LRCH3: variants seen among roughly 807,000 people sequenced by gnomAD.
LRCH3 encodes the protein leucine rich repeats and calponin homology domain containing 3.
A neutral mutation model predicts 104.5 loss-of-function variants in LRCH3; 68 were observed. That is an observed-to-expected ratio of 0.65 (90% CI 0.54 to 0.80). The LOEUF (loss-of-function observed/expected upper bound fraction) is 0.80. LRCH3 is among the 30% of genes least tolerant of loss of function. The pLI is 0.00. For missense variants in LRCH3, 951 were observed against 953.9 expected (o/e 1.00, Z 0.04); for synonymous variants, 344 against 361.3 (o/e 0.95, Z 0.54).
intron 3 of LRCH3, among the ~76,000 whole-genome samples, chr3:197,819,041 G>A (rs549273608): frequency 5.3e-5 from 8 of 151,078 alleles, no homozygotes; most frequent in Admixed American, 5.3e-4. Context: ...CAGGAGAATC[G>A]CTTGAACCTG....
At chr3:197,857,735 C>T (rs541547278) in intron 14 of LRCH3, among the ~76,000 whole-genome samples, 1 of 152,350 alleles carries the variant, frequency 6.6e-6, no homozygotes, top group African/African-American at 2.4e-5. Flanking sequence ...GAAATCTAAA[C>T]CCCAGAAGTA....
Position 197,826,941 on chromosome 3 carries a change from T to C in LRCH3, c.704T>C (p.Val235Ala). The C allele has an allele frequency of 6.2e-7, 1 of 1,614,056 alleles. No homozygotes were observed. The highest frequency in any genetic ancestry group is 8.5e-7 in the Non-Finnish European group (1 of 1,180,004). The change falls in exon 5 of 21, where the codon GTT (valine) becomes GCT (alanine). Residue 235 changes from valine to alanine, a missense_variant. Transcript: ENST00000425562. ...TGCAATAAAATTACCACAATCCCTG[T>C]TTGTTATCGGAACCTCAGGCACCTA... ...FSCNKITTIP[V>A]CYRNLRHLQT... is the part of the protein sequence containing the mutation.
intron 9 of LRCH3, among the ~76,000 whole-genome samples, chr3:197,838,765 A>G (rs758869908): frequency 2.6e-5 from 4 of 152,238 alleles, no homozygotes; most frequent in Non-Finnish European, 5.9e-5. Context: ...TTCCTTTTAA[A>G]TACGGTATTT....
At chr3:197,839,195 T>C in intron 9 of LRCH3, 126 bp from the exon 10 acceptor site, 1 of 627,142 alleles carries the variant, frequency 1.6e-6, no homozygotes, top group South Asian at 2.2e-5. Flanking sequence ...AGTTTACATT[T>C]GAAGAGTCTA....
At chr3:197,863,600 A>G (rs997710088) in intron 15 of LRCH3, among the ~76,000 whole-genome samples, 3 of 152,192 alleles carry the variant, frequency 2.0e-5, no homozygotes, top group Non-Finnish European at 4.4e-5. Context: ...CCAAGTCTTC[A>G]GCAGCTTTAA....
intron 10 of LRCH3, among the ~76,000 whole-genome samples, chr3:197,841,578 T>C (rs1737803649): frequency 6.6e-6 from 1 of 152,128 alleles, no homozygotes; most frequent in Non-Finnish European, 1.5e-5. Flanking sequence ...TTCACTAGAG[T>C]AAGGCCAGGG....
chr3:197,857,133 T>C (rs73892127), intron 14 of LRCH3, among the ~76,000 whole-genome samples: 5,657 of 149,358 alleles, frequency 0.038, 390 homozygotes, highest in African/African-American at 0.13. Flanking sequence ...CAAGCTCCTG[T>C]TAACATCAGT....
At position 197,871,344 on chromosome 3, in the gene LRCH3, A is replaced by T. The variant is rs758681415; in HGVS notation, c.2012A>T (p.Lys671Ile). 4 of 1,613,714 alleles carry T rather than the reference A, an allele frequency of 2.5e-6. No homozygotes were observed. The Admixed American group carries it at 6.7e-5, about 27-fold the overall frequency. Residue 671 changes from lysine to isoleucine, a missense_variant, in exon 19 of 21, where the codon AAA becomes ATA. Transcript: ENST00000425562. ...QLRKHIEYRL[K>I]VSLPCDLGAA... ...TTTCAGCATATTGAGTACCGGTTGAAAGTGTCTCTACCTTGTGATCTCGGA... is the reference window on the plus strand; with the variant it reads ...TTTCAGCATATTGAGTACCGGTTGATAGTGTCTCTACCTTGTGATCTCGGA...
In LRCH3 at chr3:197,834,775, A is replaced by G. The variant is rs375671226; in HGVS notation, c.1103-899A>G. The stretch of plus-strand genomic sequence containing the variant: ...GTCTCTATTTCAATAATTATCATCA[A>G]TTGCTACATTCTTTAGTGAACTAGG... On this transcript the variant is annotated intron_variant, in intron 8 of 20. Coordinates refer to ENST00000425562, the MANE Select transcript of LRCH3 (RefSeq NM_001365715.1). Among the ~76,000 whole-genome samples, 38 of 152,322 alleles carry G rather than the reference A, an allele frequency of 2.5e-4. 2 individuals carry two copies. In the Middle Eastern group the frequency reaches 0.01, roughly 41 times the overall value.
intron 18 of LRCH3, among the ~76,000 whole-genome samples, 191 bp from the exon 19 acceptor site, chr3:197,871,134 A>G (rs1174333290): frequency 6.6e-6 from 1 of 152,122 alleles, no homozygotes; most frequent in South Asian, 2.1e-4. Flanking sequence ...ACTTTGTACC[A>G]CTATGCCCTG....
In LRCH3 at chr3:197,858,921, G is replaced by A; in HGVS notation, c.1716+16G>A. ...GCCTCTTAAGGTATCTCTTGTTATT[G>A]TAATTCACCAGGAAGTTTGGGGAGG... On this transcript the variant is annotated intron_variant, in intron 15 of 20. Transcript: ENST00000425562. 6.2e-7 allele frequency: 1 copy of A among 1,606,806 alleles called. No individual in the cohort carries two copies. The highest frequency in any genetic ancestry group is 8.5e-7 in the Non-Finnish European group (1 of 1,173,490).
chr3:197,807,217 C>CTTT, intron 1 of LRCH3, among the ~76,000 whole-genome samples: 1 of 146,274 alleles, frequency 6.8e-6, no homozygotes, highest in African/African-American at 2.5e-5. Context: ...CATAGAGTTG[C>CTTT]ATTTTTTTTT....
chr3:197,876,298 C>T (rs960776424), intron 20 of LRCH3: 1 of 152,218 alleles, frequency 6.6e-6, no homozygotes, highest in African/African-American at 2.4e-5. Context: ...AACTGAATTA[C>T]AGGCTTTATT....
Position 197,832,271 on chromosome 3 carries a change from C to T in LRCH3, c.1056C>T (p.Ser352=), listed in dbSNP as rs866300682. Residue 352 remains serine (S), a synonymous_variant, in exon 8 of 21, where the codon AGC becomes AGT. Transcript: ENST00000425562. ...ITKEQRLRRE[S]QYQENRGSLV... The stretch of plus-strand genomic sequence containing the variant: ...AAGAACAAAGACTACGAAGAGAAAG[C>T]CAGTACCAAGAGAACCGCGGCAGTT... 1 of 1,613,756 alleles carries T rather than the reference C, an allele frequency of 6.2e-7. No homozygotes were observed. The highest frequency in any genetic ancestry group is 2.2e-5 in the East Asian group (1 of 44,886).
At chr3:197,806,021 G>A (rs899584104) in intron 1 of LRCH3, among the ~76,000 whole-genome samples, 3 of 151,830 alleles carry the variant, frequency 2.0e-5, no homozygotes, top group Non-Finnish European at 4.4e-5. Flanking sequence ...CTGCCTCCCG[G>A]GTTCAAGTGA....
chr3:197,807,895 A>T (rs2109144570), intron 1 of LRCH3, among the ~76,000 whole-genome samples: 1 of 152,234 alleles, frequency 6.6e-6, no homozygotes, highest in Non-Finnish European at 1.5e-5. Flanking sequence ...TCCCTGTTAT[A>T]GTTGTCTTAA....
rs1714398344 is a variant in LRCH3, at chr3:197,888,358, G to A, written c.*4692G>A. ...GTATAAATATGTCAGTATCATGTAT[G>A]TTATTTTAAATTGCCTGTACGCCAC... On this transcript the variant is annotated 3_prime_UTR_variant, in exon 21 of 21. Coordinates refer to ENST00000425562, the MANE Select transcript of LRCH3 (RefSeq NM_001365715.1). The A allele has an allele frequency of 6.6e-6, 1 of 152,196 alleles. No homozygotes were observed. Among genetic ancestry groups the A allele is most frequent in the African/African-American group, 2.4e-5 (1 of 41,440 alleles). 9.4% of individuals were successfully genotyped at this position (152,196 alleles called of 1,614,324 possible).
chr3:197,877,557 C>G (rs1273855260), intron 20 of LRCH3, among the ~76,000 whole-genome samples: 1 of 122,576 alleles, frequency 8.2e-6, no homozygotes, highest in Non-Finnish European at 1.9e-5. Context: ...CTCACCGCAC[C>G]CATGACAGTG....
At position 197,791,293 on chromosome 3, in the gene LRCH3, C is replaced by T. The variant is rs775429363; in HGVS notation, c.15C>T (p.Gly5=). The change falls in exon 1 of 21, where the codon GGC becomes GGT. Residue 5 remains glycine, a synonymous_variant. Transcript: ENST00000425562. ...TCGGCTGGGAAATGGCGGCCGCGGG[C>T]TTGGTCGCTGTGGCAGCGGCTGCCG... MAAA[G]LVAVAAAAEY... is the part of the protein sequence containing the mutation. 1.4e-5 allele frequency: 22 copies of T among 1,608,762 alleles called. No individual in the cohort carries two copies. Among genetic ancestry groups the T allele is most frequent in the Admixed American group, 1.7e-5 (1 of 59,688 alleles).
Sources: allele counts gnomAD v4.1 joint callset (sites outside exome capture counted in the v4.1 genomes callset), GRCh38; gene constraint gnomAD v4.1.1; transcripts MANE v1.5; gene names NCBI Gene and HGNC (gene_info 2026-07-23, HGNC 2026-07-21).